GPC5: variants seen among roughly 807,000 people sequenced by gnomAD.
GPC5 encodes glypican-5.
Under a neutral mutation model 53.9 loss-of-function variants are expected in GPC5, and 47 were observed. The ratio of observed to expected loss-of-function variants is 0.87; its 90% CI spans 0.69 to 1.11. The LOEUF (loss-of-function observed/expected upper bound fraction) is 1.11, where lower values mean the gene tolerates loss of function less well. GPC5 is among the 50% of genes most tolerant of loss of function. The pLI, the probability that GPC5 is intolerant of heterozygous loss-of-function variation, is 0.00. For synonymous variants in GPC5, 286 were observed against 263.3 expected (o/e 1.09, Z -0.84); for missense variants, 748 against 713.1 (o/e 1.05, Z -0.56).
intron 5 of GPC5, among the ~76,000 whole-genome samples, chr13:91,759,732 A>G (rs2037370275): frequency 1.3e-5 from 2 of 152,142 alleles, no homozygotes; most frequent in South Asian, 2.1e-4. Flanking sequence ...TGCCAACTCA[A>G]TGGTAAAATG....
At chr13:91,542,650 G>A (rs541959935) in intron 2 of GPC5, among the ~76,000 whole-genome samples, 13 of 152,110 alleles carry the variant, frequency 8.5e-5, no homozygotes, top group African/African-American at 3.1e-4. Context: ...TGTTCCATCC[G>A]GAAAGTGTGA....
chr13:91,830,316 C>A (rs569045865), intron 5 of GPC5, among the ~76,000 whole-genome samples: 23 of 152,164 alleles, frequency 1.5e-4, no homozygotes, highest in African/African-American at 5.3e-4. Context: ...TCTTGTTTCC[C>A]AAACATTGCT....
intron 7 of GPC5, among the ~76,000 whole-genome samples, chr13:92,291,895 C>G (rs2042999363): frequency 6.6e-6 from 1 of 152,102 alleles, no homozygotes. Context: ...CCAGTGAGAC[C>G]ACAACCCCAC....
chr13:91,593,903 C>T (rs1421143808), intron 2 of GPC5, among the ~76,000 whole-genome samples: 1 of 133,720 alleles, frequency 7.5e-6, no homozygotes. Context: ...TGTGCTCTCA[C>T]AAAGAACTAA....
At chr13:92,350,792 A>G (rs1457269722) in intron 7 of GPC5, among the ~76,000 whole-genome samples, 2 of 152,164 alleles carry the variant, frequency 1.3e-5, no homozygotes, top group Non-Finnish European at 2.9e-5. Flanking sequence ...CCATAAATAT[A>G]TGTTATAAAT....
chr13:92,425,524 T>A (rs1056918443), intron 7 of GPC5, among the ~76,000 whole-genome samples: 5 of 152,110 alleles, frequency 3.3e-5, no homozygotes, highest in African/African-American at 1.2e-4. Context: ...AACAAGTGAC[T>A]TAATAAAATC....
intron 2 of GPC5, among the ~76,000 whole-genome samples, chr13:91,641,063 C>T (rs917897366): frequency 2.0e-5 from 3 of 152,178 alleles, no homozygotes; most frequent in African/African-American, 7.2e-5. Flanking sequence ...TGCAGTGGCT[C>T]ACGCCTGTAA....
At chr13:91,420,618 CAT>C (rs1167987064) in intron 1 of GPC5, among the ~76,000 whole-genome samples, 6 of 152,170 alleles carry the variant, frequency 3.9e-5, no homozygotes, top group African/African-American at 1.4e-4. Context: ...TTTCCTCTCT[CAT>C]ATGGTTTGGT....
At chr13:92,449,960 A>G (rs971319563) in intron 7 of GPC5, among the ~76,000 whole-genome samples, 2 of 152,166 alleles carry the variant, frequency 1.3e-5, no homozygotes, top group African/African-American at 4.8e-5. Flanking sequence ...AAAAAATCTT[A>G]AGTATATTTT....
At chr13:91,781,914 A>T (rs2037804284) in intron 5 of GPC5, among the ~76,000 whole-genome samples, 1 of 152,246 alleles carries the variant, frequency 6.6e-6, no homozygotes. Flanking sequence ...ACATTTAAAA[A>T]TTTATTATAC....
intron 7 of GPC5, among the ~76,000 whole-genome samples, chr13:92,581,219 C>T (rs868017674): frequency 6.6e-6 from 1 of 152,116 alleles, no homozygotes; most frequent in Non-Finnish European, 1.5e-5. Flanking sequence ...CCCTTATCTC[C>T]TCAGTCCCTC....
At chr13:91,503,510 A>G (rs1308848796) in intron 2 of GPC5, among the ~76,000 whole-genome samples, 3 of 151,956 alleles carry the variant, frequency 2.0e-5, no homozygotes, top group Admixed American at 6.6e-5. Context: ...GGCCGGGTGC[A>G]GTCGCTCATG....
chr13:92,578,612 G>A (rs1566302247), intron 7 of GPC5, among the ~76,000 whole-genome samples: 1 of 152,142 alleles, frequency 6.6e-6, no homozygotes, highest in Admixed American at 6.5e-5. Context: ...AACTCCAGAA[G>A]AGAGAGCAAA....
Position 92,385,429 on chromosome 13 carries a change from C to CATATATACATAT in GPC5, c.1561+240444_1561+240455dup, listed in dbSNP as rs1566567426. Among the ~76,000 whole-genome samples, 6 of 77,166 alleles carry CATATATACATAT rather than the reference C, an allele frequency of 7.8e-5. No individual in the cohort carries two copies. In the South Asian group the frequency reaches 1.2e-3, roughly 15 times the overall value. 50.6% of individuals were successfully genotyped at this position (77,166 alleles called of 152,430 possible). A position where few individuals can be genotyped will look rare whatever the true frequency, so the allele number is the denominator to read the frequency against. ...ATATACACATATATATACATATATA[C>CATATATACATAT]ATATATACATATATACATATATACA... On this transcript the variant is annotated intron_variant, in intron 7 of 7. Coordinates refer to ENST00000377067, the MANE Select transcript of GPC5 (RefSeq NM_004466.6).
intron 7 of GPC5, among the ~76,000 whole-genome samples, chr13:92,777,359 G>A (rs1875851991): frequency 7.0e-6 from 1 of 141,944 alleles, no homozygotes; most frequent in Non-Finnish European, 1.5e-5. Context: ...AAAAAGCCAG[G>A]CTCAGTGGCT....
chr13:91,521,598 CA>C (rs1347808034), intron 2 of GPC5, among the ~76,000 whole-genome samples: 2 of 152,168 alleles, frequency 1.3e-5, no homozygotes, highest in African/African-American at 2.4e-5. Flanking sequence ...ATGTTCTAAA[CA>C]AACTCAAAGT....
At chr13:91,462,331 G>C (rs754994880) in intron 2 of GPC5, among the ~76,000 whole-genome samples, 2 of 152,062 alleles carry the variant, frequency 1.3e-5, no homozygotes, top group Non-Finnish European at 2.9e-5. Flanking sequence ...ATTATGCTTT[G>C]TGAGTTATTA....
At chr13:92,644,964 G>A (rs1293705344) in intron 7 of GPC5, among the ~76,000 whole-genome samples, 2 of 152,054 alleles carry the variant, frequency 1.3e-5, no homozygotes, top group Admixed American at 1.3e-4. Context: ...TCAGTCATAG[G>A]CTCTCAATAA....
intron 1 of GPC5, among the ~76,000 whole-genome samples, chr13:91,416,683 T>C (rs1009003145): frequency 1.3e-5 from 2 of 152,012 alleles, no homozygotes; most frequent in African/African-American, 4.8e-5. Flanking sequence ...TTCCCACCTA[T>C]GAGTGAGAAC....
Sources: gnomAD v4.1 joint callset for allele counts (sites outside exome capture counted in the v4.1 genomes callset) on GRCh38, gnomAD v4.1.1 for gene constraint, MANE v1.5 for transcripts, NCBI Gene and HGNC (gene_info 2026-07-23, HGNC 2026-07-21) for gene names.